Variants in AGBL4 observed in about 807,000 individuals in gnomAD.
The protein encoded by AGBL4 is cytosolic carboxypeptidase 6.
AGBL4 carries 58 observed loss-of-function variants against 66.4 expected under a neutral mutation model. The ratio of observed to expected loss-of-function variants is 0.87; its 90% confidence interval spans 0.71 to 1.09. AGBL4 has a LOEUF of 1.09. Ranked by LOEUF, AGBL4 falls within the 50% of genes least tolerant of loss-of-function variation. The probability of loss-of-function intolerance (pLI) is 0.00; values close to 1 mark genes in which losing one functional copy is unlikely to be tolerated. For synonymous variants in AGBL4, 234 were observed against 222.9 expected (o/e 1.05, Z -0.44); for missense variants, 579 against 631.0 (o/e 0.92, Z 0.88).
intron 6 of AGBL4, among the ~76,000 whole-genome samples, chr1:48,796,682 A>G (rs1645682724): frequency 6.6e-6 from 1 of 152,242 alleles, no homozygotes; most frequent in African/African-American, 2.4e-5. Flanking sequence ...TAAGTGGAGC[A>G]TAGACTGTGG....
In AGBL4 at chr1:49,932,497, T is replaced by C. The variant is rs147840283; in HGVS notation, c.35-80979A>G. The stretch of plus-strand genomic sequence containing the variant: ...CAAAAGTAAGATCAATAAAAGAAAT[T>C]GATAAACTGGACTTAATCAAAATTA... On this transcript the variant is annotated intron_variant, in intron 1 of 13. Transcript: ENST00000371839. Among the ~76,000 whole-genome samples the C allele has an allele frequency of 4.6e-5, 7 of 152,220 alleles. No homozygotes were observed. The East Asian group carries it at 1.4e-3, about 29-fold the overall frequency.
At chr1:49,808,411 G>A (rs1044867739) in intron 2 of AGBL4, among the ~76,000 whole-genome samples, 1 of 152,106 alleles carries the variant, frequency 6.6e-6, no homozygotes, top group Non-Finnish European at 1.5e-5. Context: ...CACTGACTTT[G>A]GGGTGCCTCT....
At chr1:48,997,595 C>T (rs897921413) in intron 5 of AGBL4, among the ~76,000 whole-genome samples, 1 of 152,102 alleles carries the variant, frequency 6.6e-6, no homozygotes, top group Non-Finnish European at 1.5e-5. Flanking sequence ...ATCTTCTTAA[C>T]TCAAGAGGAA....
At chr1:48,525,600 T>G in the AGBL4 span, among the ~76,000 whole-genome samples, 1 of 152,210 alleles carries the variant, frequency 6.6e-6, no homozygotes, top group Non-Finnish European at 1.5e-5. Flanking sequence ...CTGAGGATTA[T>G]GTCAGTTGAA....
chr1:48,561,915 A>C (rs544209897), intron 11 of AGBL4, among the ~76,000 whole-genome samples: 1 of 152,322 alleles, frequency 6.6e-6, no homozygotes, highest in African/African-American at 2.4e-5. Context: ...TGCATAAGCC[A>C]ATTCTTTATA....
At chr1:49,807,426 C>G (rs1355016805) in intron 2 of AGBL4, among the ~76,000 whole-genome samples, 2 of 152,174 alleles carry the variant, frequency 1.3e-5, no homozygotes, top group Non-Finnish European at 2.9e-5. Flanking sequence ...TTTCTCCTTT[C>G]CTATTTCTCC....
At chr1:49,528,988 T>C (rs971830709) in intron 3 of AGBL4, among the ~76,000 whole-genome samples, 14 of 152,120 alleles carry the variant, frequency 9.2e-5, no homozygotes, top group African/African-American at 3.4e-4. Flanking sequence ...AACTTAATTT[T>C]AAACACTACA....
chr1:49,658,331 G>C (rs527340461), intron 3 of AGBL4, among the ~76,000 whole-genome samples: 57 of 152,212 alleles, frequency 3.7e-4, no homozygotes, highest in African/African-American at 1.3e-3. Flanking sequence ...CAAGTTAGAA[G>C]GGTGATCATT....
intron 1 of AGBL4, among the ~76,000 whole-genome samples, chr1:49,999,601 A>C (rs1660602597): frequency 6.6e-6 from 1 of 152,148 alleles, no homozygotes; most frequent in African/African-American, 2.4e-5. Context: ...ACATGGAACC[A>C]AAAAGAGCCT....
At chr1:49,329,962 C>T (rs1011402591) in intron 3 of AGBL4, among the ~76,000 whole-genome samples, 9 of 152,180 alleles carry the variant, frequency 5.9e-5, no homozygotes, top group Non-Finnish European at 1.5e-5. Context: ...CAGTGCTCTG[C>T]TCCATGCTTG....
chr1:49,469,722 T>C (rs1294097642), intron 3 of AGBL4: 1 of 151,914 alleles, frequency 6.6e-6, no homozygotes, highest in Admixed American at 6.6e-5. Context: ...TCTTTCAAAT[T>C]CCTTCATAAT....
At chr1:49,137,372 A>G (rs1646032103) in intron 4 of AGBL4, among the ~76,000 whole-genome samples, 1 of 152,170 alleles carries the variant, frequency 6.6e-6, no homozygotes, top group South Asian at 2.1e-4. Context: ...TTGATGTGGA[A>G]GTGGAAGATG....
At chr1:49,245,949 G>T in intron 3 of AGBL4, 85 bp from the exon 4 acceptor site, 1 of 1,033,582 alleles carries the variant, frequency 9.7e-7, no homozygotes. Context: ...AAGAAACAGG[G>T]TTAAAGAAAG....
rs575273925 is a variant in AGBL4 at position 48,912,403 on chromosome 1, T to C, written c.595-45173A>G. Among the ~76,000 whole-genome samples the C allele has an allele frequency of 1.7e-3, 264 of 152,292 alleles. 1 individual carries two copies. The highest frequency in any genetic ancestry group is 5.9e-3 in the African/African-American group (247 of 41,554). ...TTAAATGAAGGTTGCCAGTTGAAGATTGCTAGAGGGAGAGTGTTAAGCAAA... is the reference window on the plus strand; with the variant it reads ...TTAAATGAAGGTTGCCAGTTGAAGACTGCTAGAGGGAGAGTGTTAAGCAAA... On this transcript the variant is annotated intron_variant, in intron 5 of 13. Coordinates refer to ENST00000371839, the MANE Select transcript of AGBL4 (RefSeq NM_032785.4).
chr1:48,894,530 T>TA (rs1360931182), intron 5 of AGBL4, among the ~76,000 whole-genome samples: 2 of 152,074 alleles, frequency 1.3e-5, no homozygotes, highest in Admixed American at 6.5e-5. Flanking sequence ...ATTAATACAA[T>TA]AAAATACAAT....
At chr1:48,645,543 G>C (rs1645822055) in intron 8 of AGBL4, among the ~76,000 whole-genome samples, 1 of 152,108 alleles carries the variant, frequency 6.6e-6, no homozygotes, top group African/African-American at 2.4e-5. Context: ...GAAGAAGCGT[G>C]GTCCCCAGAA....
chr1:49,361,527 T>C (rs1409025878), intron 3 of AGBL4, among the ~76,000 whole-genome samples: 1 of 152,092 alleles, frequency 6.6e-6, no homozygotes, highest in African/African-American at 2.4e-5. Flanking sequence ...AGTTTCACCA[T>C]GTTGTCCAGG....
chr1:48,909,275 A>C (rs1652879900), intron 5 of AGBL4, among the ~76,000 whole-genome samples: 1 of 152,204 alleles, frequency 6.6e-6, no homozygotes, highest in Admixed American at 6.5e-5. Flanking sequence ...ATGACATAGG[A>C]AATGTCATGC....
chr1:49,340,987 T>C (rs1293199891), intron 3 of AGBL4, among the ~76,000 whole-genome samples: 1 of 152,228 alleles, frequency 6.6e-6, no homozygotes, highest in Non-Finnish European at 1.5e-5. Flanking sequence ...CAAGCCCTTG[T>C]AGTAGAGCAC....
Sources: gnomAD v4.1 joint callset for allele counts (sites outside exome capture counted in the v4.1 genomes callset) on GRCh38, gnomAD v4.1.1 for gene constraint, MANE v1.5 for transcripts, NCBI Gene and HGNC (gene_info 2026-07-23, HGNC 2026-07-21) for gene names.